TTC27: variants seen among roughly 807,000 people sequenced by gnomAD.
TTC27 encodes the protein tetratricopeptide repeat protein 27.
In TTC27, 79 loss-of-function variants were observed where a neutral mutation model predicts 115.9. The observed-to-expected ratio is 0.68, with a 90% CI of 0.57 to 0.82. The LOEUF (loss-of-function observed/expected upper bound fraction) is 0.82. Among genes scored for constraint, TTC27 ranks in the 40% least tolerant of loss-of-function variants. The probability of loss-of-function intolerance (pLI) is 0.00; values close to 1 mark genes in which losing one functional copy is unlikely to be tolerated. For synonymous variants in TTC27, 401 were observed against 356.0 expected, an observed-to-expected ratio of 1.13 and a Z score of -1.42; for missense variants, 1,054 against 993.1, an observed-to-expected ratio of 1.06 and a Z score of -0.82.
At chr2:32,769,343 A>T (rs988917319) in intron 13 of TTC27, among the ~76,000 whole-genome samples, 7 of 152,196 alleles carry the variant, frequency 4.6e-5, no homozygotes, top group African/African-American at 1.7e-4. Context: ...AGGTCATTGG[A>T]TTTGGAGCTC....
chr2:32,812,996 T>C (rs1485204281), intron 18 of TTC27, among the ~76,000 whole-genome samples: 2 of 152,164 alleles, frequency 1.3e-5, no homozygotes, highest in South Asian at 4.1e-4. Context: ...CTGGGGTACA[T>C]AGCAGTATGC....
chr2:32,705,010 G>A, intron 10 of TTC27: 2 of 448,950 alleles, frequency 4.5e-6, no homozygotes, highest in Non-Finnish European at 4.6e-6. Flanking sequence ...TATGGTTTGA[G>A]TATTTGTTCC....
intron 4 of TTC27, among the ~76,000 whole-genome samples, chr2:32,646,545 T>C (rs2151867264): frequency 6.7e-6 from 1 of 148,454 alleles, no homozygotes; most frequent in South Asian, 2.1e-4. Flanking sequence ...TAGGCTATGC[T>C]TTCTATATTT....
At chr2:32,754,913 C>G (rs536182220) in intron 12 of TTC27, among the ~76,000 whole-genome samples, 6 of 151,420 alleles carry the variant, frequency 4.0e-5, no homozygotes, top group African/African-American at 9.7e-5. Context: ...GGGTGGCTGC[C>G]GGGCGGGGAT....
intron 8 of TTC27, among the ~76,000 whole-genome samples, chr2:32,676,985 TAAA>T (rs1284713491): frequency 4.0e-5 from 6 of 151,880 alleles, no homozygotes; most frequent in African/African-American, 1.4e-4. Context: ...AGTCTAATAA[TAAA>T]AAGAACTCTG....
intron 16 of TTC27, among the ~76,000 whole-genome samples, chr2:32,806,537 A>G (rs532411160): frequency 5.1e-4 from 77 of 152,308 alleles, no homozygotes; most frequent in South Asian, 1.9e-3. Flanking sequence ...AATAATTGCT[A>G]TCAGAGGCTG....
chr2:32,748,456 G>A (rs1483298425), intron 12 of TTC27, among the ~76,000 whole-genome samples: 2 of 152,084 alleles, frequency 1.3e-5, no homozygotes, highest in African/African-American at 2.4e-5. Context: ...TTGGTTTATA[G>A]CATTATTCAT....
intron 3 of TTC27, among the ~76,000 whole-genome samples, chr2:32,638,545 A>G (rs1315966795): frequency 6.6e-6 from 1 of 151,372 alleles, no homozygotes; most frequent in African/African-American, 2.4e-5. Flanking sequence ...TGCCCGGCTA[A>G]TTTTTGTATT....
At chr2:32,665,006 T>A (rs1665716618) in intron 6 of TTC27, among the ~76,000 whole-genome samples, 1 of 151,622 alleles carries the variant, frequency 6.6e-6, no homozygotes, top group South Asian at 2.1e-4. Flanking sequence ...CTAATTTTTT[T>A]TATTTTTTTT....
At chr2:32,664,541 A>G (rs999973062) in intron 6 of TTC27, 74 bp downstream of exon 6, 3 of 1,318,678 alleles carry the variant, frequency 2.3e-6, no homozygotes, top group Non-Finnish European at 3.1e-6. Context: ...TTTGTATTGT[A>G]TGTTGGTATT....
intron 15 of TTC27, among the ~76,000 whole-genome samples, chr2:32,783,836 T>G (rs1367321095): frequency 6.6e-6 from 1 of 152,180 alleles, no homozygotes. Context: ...CTCTAATAAA[T>G]TAAAGGATGG....
At chr2:32,631,312 C>A (rs1390730750) in intron 2 of TTC27, among the ~76,000 whole-genome samples, 4 of 151,744 alleles carry the variant, frequency 2.6e-5, no homozygotes, top group Admixed American at 2.0e-4. Flanking sequence ...CAAAAAAAAA[C>A]CAAAAAACAA....
intron 16 of TTC27, among the ~76,000 whole-genome samples, chr2:32,789,306 A>T (rs1670451141): frequency 6.6e-6 from 1 of 152,154 alleles, no homozygotes; most frequent in Non-Finnish European, 1.5e-5. Flanking sequence ...GTATTGAAGA[A>T]TGTTACTTAA....
intron 1 of TTC27, among the ~76,000 whole-genome samples, chr2:32,628,962 G>C (rs1336951207): frequency 6.6e-6 from 1 of 150,744 alleles, no homozygotes; most frequent in Admixed American, 6.6e-5. Context: ...GTTTCACCAT[G>C]TTGGCCTAGC....
At chr2:32,664,510 TAAAAC>T (rs765521879) in intron 6 of TTC27, 43 bp downstream of exon 6, 1 of 1,534,666 alleles carries the variant, frequency 6.5e-7, no homozygotes, top group Non-Finnish European at 8.8e-7. Context: ...ATTTTTATGA[TAAAAC>T]TATATACATT....
At chr2:32,735,485 G>A (rs904706176) in intron 11 of TTC27, among the ~76,000 whole-genome samples, 18 of 152,260 alleles carry the variant, frequency 1.2e-4, no homozygotes, top group African/African-American at 4.3e-4. Context: ...TAGGCCAAAT[G>A]CTTATCTGCC....
chr2:32,642,612 T>C (rs541854512), intron 4 of TTC27, among the ~76,000 whole-genome samples: 1 of 152,192 alleles, frequency 6.6e-6, no homozygotes, highest in East Asian at 1.9e-4. Context: ...GCAACTCTCA[T>C]GAGAGCCAGA....
chr2:32,805,531 T>A (rs1332162948), intron 16 of TTC27, among the ~76,000 whole-genome samples: 1 of 152,244 alleles, frequency 6.6e-6, no homozygotes, highest in Admixed American at 6.5e-5. Context: ...GTAGGTCACG[T>A]GCTTAGCACA....
chr2:32,657,747 A>G (rs1452544959), intron 5 of TTC27, among the ~76,000 whole-genome samples: 1 of 152,044 alleles, frequency 6.6e-6, no homozygotes, highest in East Asian at 1.9e-4. Context: ...GCTTGGATTC[A>G]CATCCTGGCA....
Sources: gnomAD v4.1 joint callset for allele counts (sites outside exome capture counted in the v4.1 genomes callset) on GRCh38, gnomAD v4.1.1 for gene constraint, MANE v1.5 for transcripts, NCBI Gene and HGNC (gene_info 2026-07-23, HGNC 2026-07-21) for gene names.